The following SIK3 variants were observed in gnomAD, a reference collection of about 807,000 sequenced individuals.
SIK3 encodes the protein SIK family kinase 3.
A neutral mutation model predicts 144.2 loss-of-function variants in SIK3; 28 were observed. The ratio of observed to expected loss-of-function variants is 0.19; its 90% CI spans 0.14 to 0.27. SIK3 has a LOEUF of 0.27. Among genes scored for constraint, SIK3 ranks in the 10% least tolerant of loss-of-function variants. The pLI, the probability that SIK3 is intolerant of heterozygous loss-of-function variation, is 1.00. For synonymous variants in SIK3, 686 were observed against 676.3 expected, an observed-to-expected ratio of 1.01 and a Z score of -0.22; for missense variants, 1,319 against 1,776.0, an observed-to-expected ratio of 0.74 and a Z score of 4.62.
At chr11:116,929,049 G>GTAA (rs1565463042) in intron 3 of SIK3, among the ~76,000 whole-genome samples, 4 of 152,200 alleles carry the variant, frequency 2.6e-5, no homozygotes, top group African/African-American at 9.7e-5. Context: ...GGCTTCCGGT[G>GTAA]AGGTCTGCTA....
intron 1 of SIK3, among the ~76,000 whole-genome samples, chr11:116,990,607 A>G (rs2135555824): frequency 6.6e-6 from 1 of 152,314 alleles, no homozygotes. Context: ...CCCAGACACA[A>G]GTATCTCCAA....
At chr11:116,953,035 G>T (rs1315015365) in intron 3 of SIK3, among the ~76,000 whole-genome samples, 1 of 151,820 alleles carries the variant, frequency 6.6e-6, no homozygotes, top group Non-Finnish European at 1.5e-5. Flanking sequence ...AAAAGGACTA[G>T]CACTTACCCT....
intron 4 of SIK3, among the ~76,000 whole-genome samples, chr11:116,898,141 C>T (rs1344438377): frequency 2.0e-5 from 3 of 148,608 alleles, no homozygotes; most frequent in Non-Finnish European, 4.5e-5. Context: ...CACCCCACAA[C>T]AGTCCCCAGA....
At position 116,869,988 on chromosome 11, in the gene SIK3, G is replaced by A. The variant is rs1943878056; in HGVS notation, c.1808+343C>T. The stretch of plus-strand genomic sequence containing the variant: ...ATCCCACATCTCCAATTCCTTTTCA[G>A]TAAACAGTTCTTGGCAGGTACGAGC... On this transcript the variant is annotated intron_variant, in intron 14 of 24. Transcript: ENST00000445177. 7.1e-6 allele frequency: 5 copies of A among 702,188 alleles called. No homozygotes were observed. The East Asian group carries it at 2.3e-4, about 33-fold the overall frequency. 43.5% of individuals were successfully genotyped at this position (702,188 alleles called of 1,614,324 possible). A position where few individuals can be genotyped will look rare whatever the true frequency, so the allele number is the denominator to read the frequency against.
At chr11:117,044,052 T>C (rs1266893707) in intron 1 of SIK3, among the ~76,000 whole-genome samples, 6 of 152,224 alleles carry the variant, frequency 3.9e-5, no homozygotes, top group African/African-American at 1.4e-4. Context: ...TTCCTGATGA[T>C]GATTTTGTCA....
intron 6 of SIK3, among the ~76,000 whole-genome samples, chr11:116,887,179 C>G (rs991033513): frequency 2.1e-5 from 3 of 142,870 alleles, no homozygotes; most frequent in Non-Finnish European, 4.5e-5. Context: ...CAGAGCCAGG[C>G]GGATTGCTTG....
At chr11:117,060,569 C>A (rs1219203957) in intron 1 of SIK3, among the ~76,000 whole-genome samples, 1 of 149,518 alleles carries the variant, frequency 6.7e-6, no homozygotes, top group Non-Finnish European at 1.5e-5. Context: ...TGCACTCCAG[C>A]CTGGATGACA....
chr11:117,001,135 G>A (rs1388396180), intron 1 of SIK3, among the ~76,000 whole-genome samples: 1 of 152,246 alleles, frequency 6.6e-6, no homozygotes, highest in Non-Finnish European at 1.5e-5. Flanking sequence ...CCTCTTCTCT[G>A]AGGTTTATGT....
intron 1 of SIK3, among the ~76,000 whole-genome samples, chr11:117,033,195 G>A (rs1376036654): frequency 2.0e-5 from 3 of 152,110 alleles, no homozygotes; most frequent in Non-Finnish European, 2.9e-5. Flanking sequence ...AATTGCCCAA[G>A]TATACATATG....
intron 1 of SIK3, among the ~76,000 whole-genome samples, chr11:117,016,771 C>T (rs1233467706): frequency 6.6e-6 from 1 of 152,142 alleles, no homozygotes. Context: ...TGAATATACA[C>T]AAATTTTGTT....
chr11:116,859,607 G>A lies in SIK3; in HGVS notation c.2426-3C>T. The A allele has an allele frequency of 6.2e-7, 1 of 1,612,128 alleles. No homozygotes were observed. Among genetic ancestry groups the A allele is most frequent in the Admixed American group, 1.7e-5 (1 of 59,896 alleles). On this transcript the variant is annotated splice_region_variant and splice_polypyrimidine_tract_variant and intron_variant, in intron 19 of 24. Transcript: ENST00000445177. ...AAACTGGGAAGAAGATGCAGCCCCT[G>A]GAGAGAAAGGAACCTCAGAGTGACC...
At chr11:117,066,533 CCT>C (rs1954026981) in intron 1 of SIK3, among the ~76,000 whole-genome samples, 1 of 110,124 alleles carries the variant, frequency 9.1e-6, no homozygotes, top group Admixed American at 1.1e-4. Context: ...AAGAAACAAT[CCT>C]TTTTTTTTTT....
Position 116,858,258 on chromosome 11 carries a change from G to A in SIK3, c.3207C>T (p.His1069=), listed in dbSNP as rs758636240. The A allele has an allele frequency of 8.1e-6, 13 of 1,613,756 alleles. No individual in the cohort carries two copies. The highest frequency in any genetic ancestry group is 1.0e-5 in the Non-Finnish European group (12 of 1,179,830). Reference sequence around the variant, plus strand: ...GACTCCCCGCATCCCCTTGGTTCATGTGCCTGAACAGTTCCTGGTATTCTT... The same window carrying A: ...GACTCCCCGCATCCCCTTGGTTCATATGCCTGAACAGTTCCTGGTATTCTT... ...QQQEYQELFR[H]MNQGDAGSLA... Residue 1069 remains histidine (H), a synonymous_variant, in exon 21 of 25, where the codon CAC becomes CAT. Transcript: ENST00000445177. The surrounding 1 kb of genome is among the most constrained non-coding windows in gnomAD (Gnocchi z 5.4).
chr11:116,854,635 C>T lies in SIK3; in HGVS notation c.3655+3175G>A, dbSNP rs76582819. ...ATGGAGGGACCATTAAAAGAAACAG[C>T]AGGCATTCCTTCCTGGCAAAAAGGT... On this transcript the variant is annotated intron_variant, in intron 21 of 24. Coordinates refer to ENST00000445177, the MANE Select transcript of SIK3 (RefSeq NM_001366686.3). Among the ~76,000 whole-genome samples, 431 of 152,304 alleles carry T rather than the reference C, an allele frequency of 2.8e-3. 5 individuals are homozygous for T. Among genetic ancestry groups the T allele is most frequent in the African/African-American group, 9.9e-3 (410 of 41,576 alleles).
chr11:116,847,674 C>T (rs748767097), intron 22 of SIK3, 66 bp from the exon 23 acceptor site: 8 of 1,600,612 alleles, frequency 5.0e-6, no homozygotes, highest in African/African-American at 1.3e-5. Flanking sequence ...CCCCTAGAGA[C>T]AGCTGGTCCT....
chr11:117,075,023 A>T (rs993276482), intron 1 of SIK3, among the ~76,000 whole-genome samples: 1 of 152,172 alleles, frequency 6.6e-6, no homozygotes, highest in African/African-American at 2.4e-5. Flanking sequence ...AACATTAGAT[A>T]CGAGAGTGAA....
rs1345185143 is a variant in SIK3, at chr11:116,929,034, G to A, written c.455-1654C>T. ...GATAAGTAAGCTCCCACTCGGGTGT[G>A]TTTAGGCTTCCGGTGAGGTCTGCTA... On this transcript the variant is annotated intron_variant, in intron 3 of 24. Transcript: ENST00000445177. 2.6e-5 allele frequency among the ~76,000 whole-genome samples: 4 copies of A among 152,194 alleles called. No individual in the cohort carries two copies. The East Asian group carries it at 5.8e-4, about 22-fold the overall frequency.
At chr11:116,870,505 T>G in intron 13 of SIK3, 104 bp from the exon 14 acceptor site, 1 of 1,492,108 alleles carries the variant, frequency 6.7e-7, no homozygotes. Flanking sequence ...AACTTTCTTA[T>G]TTACAGAACT....
chr11:116,869,931 G>A, intron 14 of SIK3: 1 of 399,126 alleles, frequency 2.5e-6, no homozygotes, highest in Non-Finnish European at 4.6e-6. Context: ...CCATGCCAGA[G>A]GTCCATGGCC....
Sources: allele counts gnomAD v4.1 joint callset (sites outside exome capture counted in the v4.1 genomes callset), GRCh38; gene constraint gnomAD v4.1.1; non-coding constraint Gnocchi (gnomAD v3.1); transcripts MANE v1.5; gene names NCBI Gene and HGNC (gene_info 2026-07-23, HGNC 2026-07-21).